FAM153A: variants seen among roughly 807,000 people sequenced by gnomAD.
FAM153A encodes the protein protein FAM153A.
FAM153A carries 12 observed loss-of-function variants against 48.1 expected under a neutral mutation model. That is an observed-to-expected ratio of 0.25 (90% CI 0.16 to 0.40). The LOEUF is 0.40. FAM153A is among the 10% of genes least tolerant of loss of function. The pLI is 1.00. For synonymous variants in FAM153A, 36 were observed against 118.2 expected, an observed-to-expected ratio of 0.30 and a Z score of 4.51; for missense variants, 111 against 345.8, an observed-to-expected ratio of 0.32 and a Z score of 5.38.
chr5:177,706,351 C>T (rs1438419796), downstream of FAM153A, among the ~76,000 whole-genome samples: 1 of 151,540 alleles, frequency 6.6e-6, no homozygotes, highest in East Asian at 1.9e-4. Context: ...CACCTGCCAC[C>T]AAGCCTGGCT....
the FAM153A span, among the ~76,000 whole-genome samples, chr5:177,699,625 A>G: frequency 2.0e-5 from 3 of 152,286 alleles, no homozygotes; most frequent in South Asian, 4.1e-4. Context: ...ACAAGTTTCT[A>G]GAAACACACA....
chr5:177,704,803 C>T (rs1757733881), downstream of FAM153A, among the ~76,000 whole-genome samples: 1 of 151,470 alleles, frequency 6.6e-6, no homozygotes, highest in African/African-American at 2.4e-5. Context: ...AGTTCGAGAC[C>T]AGCCTGGGCA....
At chr5:177,704,697 G>T (rs76873202), downstream of FAM153A, among the ~76,000 whole-genome samples, 9 of 151,656 alleles carry the variant, frequency 5.9e-5, no homozygotes, top group South Asian at 8.3e-4. Flanking sequence ...TCATGAGATC[G>T]GGTTGTTTAA....
chr5:177,759,941 C>G (rs1390139564), intron 1 of FAM153A, among the ~76,000 whole-genome samples: 4 of 149,948 alleles, frequency 2.7e-5, no homozygotes, highest in African/African-American at 1.0e-4. Context: ...TACCCTAAAA[C>G]TTATAGTATA....
rs182439053 is a variant in FAM153A, at chr5:177,734,113, G to A, written c.760+267C>T. Among the ~76,000 whole-genome samples the A allele has an allele frequency of 5.0e-4, 61 of 123,210 alleles. 4 individuals are homozygous for A. Among genetic ancestry groups the A allele is most frequent in the African/African-American group, 1.6e-3 (60 of 36,388 alleles). 80.8% of individuals were successfully genotyped at this position (123,210 alleles called of 152,430 possible). A position where few individuals can be genotyped will look rare whatever the true frequency, so the allele number is the denominator to read the frequency against. On this transcript the variant is annotated intron_variant, in intron 14 of 20. Coordinates refer to ENST00000614127, the Ensembl canonical transcript of FAM153A. ...CACACCCCCAGACTCACTGACCACA[G>A]CACCACATGAATTCACAAAAGACAT...
At chr5:177,760,931 CA>C (rs1017006667) in intron 1 of FAM153A, among the ~76,000 whole-genome samples, 1 of 149,782 alleles carries the variant, frequency 6.7e-6, no homozygotes, top group African/African-American at 2.5e-5. Flanking sequence ...TGGTAGAAAA[CA>C]AACATTTCAA....
intron 11 of FAM153A, 72 bp from the exon 14 acceptor site, chr5:177,736,681 G>C (rs1764711151): frequency 6.5e-7 from 1 of 1,545,054 alleles, no homozygotes; most frequent in Non-Finnish European, 8.6e-7. Flanking sequence ...CTCTTCACTT[G>C]TTTATGTTAA....
intron 25 of FAM153A, among the ~76,000 whole-genome samples, chr5:177,715,952 A>G (rs1352639199): frequency 6.6e-6 from 1 of 151,280 alleles, no homozygotes; most frequent in African/African-American, 2.4e-5. Context: ...CTGGGATTAC[A>G]GGAGTGAGCC....
chr5:177,698,518 C>A, the FAM153A span, among the ~76,000 whole-genome samples: 3 of 151,756 alleles, frequency 2.0e-5, no homozygotes, highest in African/African-American at 7.3e-5. Context: ...TTATTGCCCT[C>A]TAAAAGAGTT....
At chr5:177,743,113 G>C (rs1263852433) in intron 6 of FAM153A, among the ~76,000 whole-genome samples, 5 of 148,154 alleles carry the variant, frequency 3.4e-5, no homozygotes, top group African/African-American at 1.2e-4. Context: ...TCCACCAAAT[G>C]CATACTCCAA....
intron 1 of FAM153A, among the ~76,000 whole-genome samples, chr5:177,765,777 G>A (rs796464988): frequency 0.031 from 3,760 of 121,442 alleles, 156 homozygotes; most frequent in Middle Eastern, 0.11. Context: ...TCATGCAAAT[G>A]AGGACCTACA....
rs1262480717 is a variant in FAM153A, at chr5:177,741,460, T to G, written c.365-128A>C. ...GGGTTAACTACAAAAAAGGACCTCCTGCCAGAACATCCTCCTTGGTGATGA... is the reference window on the plus strand; with the variant it reads ...GGGTTAACTACAAAAAAGGACCTCCGGCCAGAACATCCTCCTTGGTGATGA... On this transcript the variant is annotated intron_variant, in intron 6 of 20. Transcript: ENST00000614127. 5.1e-6 allele frequency: 4 copies of G among 782,510 alleles called. No homozygotes were observed. The African/African-American group carries it at 8.9e-5, about 17-fold the overall frequency. 48.5% of individuals were successfully genotyped at this position (782,510 alleles called of 1,614,324 possible).
At chr5:177,754,146 C>T (rs550864279), upstream of FAM153A, among the ~76,000 whole-genome samples, 1,983 of 151,820 alleles carry the variant, frequency 0.013, 52 homozygotes, top group African/African-American at 0.045. Flanking sequence ...CCTAATACTG[C>T]GCTTTTCCAA....
At chr5:177,717,212 C>T (rs1482608005) in exon 24 of FAM153A, 3 of 138,508 alleles carry the variant, frequency 2.2e-5, no homozygotes, top group Non-Finnish European at 4.6e-5. Flanking sequence ...CTACCCGAGT[C>T]ATTTCAGACG....
chr5:177,729,648 A>G (rs1763417644), intron 16 of FAM153A, 93 bp from the exon 19 acceptor site: 1 of 1,598,838 alleles, frequency 6.3e-7, no homozygotes. Context: ...GCGTGTGTGG[A>G]AAGGTGTGTT....
At chr5:177,761,122 G>C (rs1768273056) in intron 1 of FAM153A, among the ~76,000 whole-genome samples, 1 of 150,122 alleles carries the variant, frequency 6.7e-6, no homozygotes, top group East Asian at 2.0e-4. Flanking sequence ...ACTTGGGCTT[G>C]GCTGGAGAAC....
the FAM153A span, among the ~76,000 whole-genome samples, chr5:177,696,593 G>A: frequency 2.0e-5 from 3 of 150,960 alleles, no homozygotes; most frequent in Non-Finnish European, 2.9e-5. Flanking sequence ...GGCCATAAAT[G>A]TTGAGTTTAT....
At chr5:177,718,643 C>T (rs1358186836), downstream of FAM153A, 5 of 132,348 alleles carry the variant, frequency 3.8e-5, no homozygotes, top group Admixed American at 3.0e-4. Flanking sequence ...GGCTCTAAGG[C>T]AGTGACTAAA....
At chr5:177,701,911 C>CT in the FAM153A span, among the ~76,000 whole-genome samples, 1,929 of 144,536 alleles carry the variant, frequency 0.013, 82 homozygotes, top group African/African-American at 0.047. Flanking sequence ...GCAAAGGTCA[C>CT]TTTTTTTTTT....
Sources: gnomAD v4.1 joint callset for allele counts (sites outside exome capture counted in the v4.1 genomes callset) on GRCh38, gnomAD v4.1.1 for gene constraint, MANE v1.5 for transcripts, NCBI Gene and HGNC (gene_info 2026-07-23, HGNC 2026-07-21) for gene names.